Variants in SLC49A3 observed in about 807,000 individuals in gnomAD.
The protein encoded by SLC49A3 is solute carrier family 49 member 3, also known as solute carrier family 49 member A3.
Under a neutral mutation model 43.8 loss-of-function variants are expected in SLC49A3, and 50 were observed. The observed-to-expected ratio is 1.14, with a 90% CI of 0.91 to 1.45. The LOEUF (loss-of-function observed/expected upper bound fraction) is 1.45, where lower values mean the gene tolerates loss of function less well. Ranked by LOEUF, SLC49A3 falls within the 40% of genes most tolerant of loss-of-function variation. SLC49A3 has a pLI of 0.00. For missense variants in SLC49A3, 906 were observed against 774.1 expected (o/e 1.17, Z -2.02); for synonymous variants, 413 against 352.0 (o/e 1.17, Z -1.94).
chr4:678,869 TCA>T, downstream of SLC49A3: 4 of 1,608,702 alleles, frequency 2.5e-6, no homozygotes, highest in Non-Finnish European at 3.4e-6. Flanking sequence ...AAGCCTATCC[TCA>T]GTCAGGGGTG....
At chr4:677,145 C>A (rs1486680389), downstream of SLC49A3, among the ~76,000 whole-genome samples, 1 of 152,202 alleles carries the variant, frequency 6.6e-6, no homozygotes, top group African/African-American at 2.4e-5. Flanking sequence ...CTACTGCGTC[C>A]CACGCAGACG....
upstream of SLC49A3, among the ~76,000 whole-genome samples, chr4:691,375 C>T (rs1366317218): frequency 6.6e-6 from 1 of 150,900 alleles, no homozygotes; most frequent in African/African-American, 2.4e-5. Context: ...GGGTGGATTA[C>T]CTGAGGTCGG....
chr4:685,759 C>T lies in SLC49A3; in HGVS notation c.585+76G>A. ...ACACGGGCACAGGAACACGGACACA[C>T]TTGGGATCAGGAACACACAGACGTG... is the stretch of plus-strand genomic sequence containing the variant. On this transcript the variant is annotated intron_variant, in intron 4 of 9. Transcript: ENST00000322224. The surrounding 1 kb of genome is among the most constrained non-coding windows in gnomAD (Gnocchi z 4.3). 1.3e-6 allele frequency: 2 copies of T among 1,496,942 alleles called. No individual in the cohort carries two copies. The highest frequency in any genetic ancestry group is 1.9e-6 in the Non-Finnish European group (2 of 1,078,480). The allele number at this position is 1,496,942 out of a possible 1,614,324, so 92.7% of individuals were successfully genotyped here. A position where few individuals can be genotyped will look rare whatever the true frequency, so the allele number is the denominator to read the frequency against.
At position 683,203 on chromosome 4, in the gene SLC49A3, C is replaced by T. The variant is rs10030136; in HGVS notation, c.1151+7G>A. The T allele has an allele frequency of 0.12, 200,835 of 1,612,396 alleles. 13,117 individuals are homozygous for T. Among genetic ancestry groups the T allele is most frequent in the African/African-American group, 0.17 (12,896 of 74,926 alleles). ...TGGGGTTGCAGCAGGGGCAGATGGA[C>T]ACTCACCCCAGCACAAAGATCATGC... On this transcript the variant is annotated splice_region_variant and intron_variant, in intron 8 of 9. Transcript: ENST00000322224.
downstream of SLC49A3, chr4:678,087 A>G: frequency 6.2e-7 from 1 of 1,601,898 alleles, no homozygotes; most frequent in South Asian, 1.1e-5. Flanking sequence ...TGTGCTGTGC[A>G]TGTGTACATG....
downstream of SLC49A3, chr4:681,167 C>G: frequency 5.0e-6 from 8 of 1,596,322 alleles, no homozygotes; most frequent in Non-Finnish European, 5.1e-6. Flanking sequence ...CCCTGCCAAG[C>G]CCACGAGGGG....
downstream of SLC49A3, among the ~76,000 whole-genome samples, chr4:679,330 CA>C (rs971321905): frequency 2.7e-4 from 29 of 108,470 alleles, no homozygotes; most frequent in African/African-American, 1.2e-3. Flanking sequence ...ACGCCACAGG[CA>C]GGCAGGCGGC....
rs146961665 is a variant in SLC49A3, at chr4:681,973, C to T, written c.1665G>A (p.Pro555=). Reference sequence around the variant, plus strand: ...AGGCGCTCAGCTACGTGATCACCCACGGGGAGGAGAAGGAGGAGTGAGACC... The same window carrying T: ...AGGCGCTCAGCTACGTGATCACCCATGGGGAGGAGAAGGAGGAGTGAGACC... The part of the protein sequence containing the change: ...PAGSHSSFSS[P]WVIT Residue 555 remains proline (P), a synonymous_variant, in exon 10 of 10, where the codon CCG becomes CCA. Coordinates refer to ENST00000322224, the MANE Select transcript of SLC49A3 (RefSeq NM_032219.4). 3.3e-4 allele frequency: 467 copies of T among 1,396,032 alleles called. No individual in the cohort carries two copies. In the African/African-American group the frequency reaches 5.0e-3, roughly 15 times the overall value. 86.5% of individuals were successfully genotyped at this position (1,396,032 alleles called of 1,614,324 possible).
Position 685,759 on chromosome 4 carries a change from CTT to C in SLC49A3, c.585+74_585+75del. Reference sequence around the variant, plus strand: ...ACACGGGCACAGGAACACGGACACACTTGGGATCAGGAACACACAGACGTGCA... The same window carrying C: ...ACACGGGCACAGGAACACGGACACACGGGATCAGGAACACACAGACGTGCA... On this transcript the variant is annotated intron_variant, in intron 4 of 9. Transcript: ENST00000322224. This position sits in a 1 kb window ranked among gnomAD's most constrained non-coding sequence, Gnocchi z 4.3. 1 of 1,496,942 alleles carries C rather than the reference CTT, an allele frequency of 6.7e-7. No individual in the cohort carries two copies. The highest frequency in any genetic ancestry group is 9.3e-7 in the Non-Finnish European group (1 of 1,078,480). 92.7% of individuals were successfully genotyped at this position (1,496,942 alleles called of 1,614,324 possible).
intron 6 of SLC49A3, among the ~76,000 whole-genome samples, chr4:684,048 A>G (rs1490172378): frequency 2.6e-5 from 4 of 152,218 alleles, no homozygotes; most frequent in Admixed American, 6.5e-5. Flanking sequence ...ACATGCCCCC[A>G]ATCCTACACT....
downstream of SLC49A3, chr4:678,654 G>A (rs369775559): frequency 2.7e-5 from 43 of 1,602,276 alleles, no homozygotes; most frequent in Middle Eastern, 5.0e-4. Context: ...TGCTCCCACC[G>A]CAGGCCAGCA....
In SLC49A3 at chr4:685,638, G is replaced by A. The variant is rs896238191; in HGVS notation, c.585+197C>T. Among the ~76,000 whole-genome samples, 1 of 152,130 alleles carries A rather than the reference G, an allele frequency of 6.6e-6. No homozygotes were observed. Among genetic ancestry groups the A allele is most frequent in the Admixed American group, 6.5e-5 (1 of 15,280 alleles). On this transcript the variant is annotated intron_variant, in intron 4 of 9. Coordinates refer to ENST00000322224, the MANE Select transcript of SLC49A3 (RefSeq NM_032219.4). The surrounding 1 kb of genome is among the most constrained non-coding windows in gnomAD (Gnocchi z 4.3). Reference sequence around the variant, plus strand: ...GGGGAATTGCTTAAACCCAGTAGGCGGAGGTTGCAGTGAGCCGAGATCGCG... The same window carrying A: ...GGGGAATTGCTTAAACCCAGTAGGCAGAGGTTGCAGTGAGCCGAGATCGCG...
downstream of SLC49A3, chr4:678,196 G>A (rs1053581738): frequency 2.0e-5 from 30 of 1,523,990 alleles, no homozygotes; most frequent in African/African-American, 8.3e-5. Flanking sequence ...GTGTATGTGC[G>A]TGTGTGTGAC....
chr4:684,882 G>A (rs1447429724), intron 4 of SLC49A3, 26 bp from the exon 5 acceptor site: 6 of 1,605,178 alleles, frequency 3.7e-6, no homozygotes, highest in African/African-American at 1.3e-5. Context: ...TGTGCACAAG[G>A]AGACCACGCA....
rs201236805 is a variant in SLC49A3 at position 682,180 on chromosome 4, C to T, written c.1458G>A (p.Thr486=). 6.6e-6 allele frequency: 9 copies of T among 1,353,582 alleles called. No individual in the cohort carries two copies. The highest frequency in any genetic ancestry group is 1.9e-6 in the Non-Finnish European group (2 of 1,041,284). 83.8% of individuals were successfully genotyped at this position (1,353,582 alleles called of 1,614,324 possible). Reference sequence around the variant, plus strand: ...CCCTCGCCGTGCACTCCGGAGTCGCCGTGCTGGGCCCCAGGACCCCAGCCC... The same window carrying T: ...CCCTCGCCGTGCACTCCGGAGTCGCTGTGCTGGGCCCCAGGACCCCAGCCC... ...AGRAGVLGPS[T]ATPECTARGA... Residue 486 remains threonine (T), a synonymous_variant, in exon 10 of 10, where the codon ACG becomes ACA. Transcript: ENST00000322224.
upstream of SLC49A3, among the ~76,000 whole-genome samples, chr4:690,110 T>C (rs76590635): frequency 6.6e-6 from 1 of 152,300 alleles, no homozygotes; most frequent in East Asian, 1.9e-4. Flanking sequence ...CCTGTCCATT[T>C]TCCACACCTG....
upstream of SLC49A3, among the ~76,000 whole-genome samples, chr4:689,619 A>G (rs974674837): frequency 6.6e-6 from 1 of 152,228 alleles, no homozygotes; most frequent in Non-Finnish European, 1.5e-5. Context: ...GTCCCTCTAC[A>G]GCCCCTGCGG....
rs572248596 is a variant in SLC49A3 at position 684,535 on chromosome 4, G to C, written c.788C>G (p.Ala263Gly). The C allele has an allele frequency of 1.2e-6, 2 of 1,613,234 alleles. No homozygotes were observed. Among genetic ancestry groups the C allele is most frequent in the Admixed American group, 3.3e-5 (2 of 60,018 alleles). ...CTGCTCCAGGAGGGCTGAGAAGCTGGCAGAGATCCCGATCATTCCCCCCAA... is the reference window on the plus strand; with the variant it reads ...CTGCTCCAGGAGGGCTGAGAAGCTGCCAGAGATCCCGATCATTCCCCCCAA... ...VCLGGMIGIS[A>G]SFSALLEQIL... Residue 263 changes from alanine to glycine, a missense_variant, in exon 6 of 10, where the codon GCC (alanine) becomes GGC (glycine). Transcript: ENST00000322224.
Position 682,687 on chromosome 4 carries a change from C to T in SLC49A3, c.1261+94G>A, listed in dbSNP as rs1010822083. The stretch of plus-strand genomic sequence containing the variant: ...TGCTCACCTGTCCTGCTGTTTAGGG[C>T]TCCCCACGTAGGGTTCACCTGTCCC... On this transcript the variant is annotated intron_variant, in intron 9 of 9. Transcript: ENST00000322224. 6 of 1,032,918 alleles carry T rather than the reference C, an allele frequency of 5.8e-6. No individual in the cohort carries two copies. In the South Asian group the frequency reaches 1.1e-4, roughly 19 times the overall value. 64.0% of individuals were successfully genotyped at this position (1,032,918 alleles called of 1,614,324 possible).
Sources: gnomAD v4.1 joint callset for allele counts (sites outside exome capture counted in the v4.1 genomes callset) on GRCh38, gnomAD v4.1.1 for gene constraint, Gnocchi (gnomAD v3.1) non-coding constraint, MANE v1.5 for transcripts, NCBI Gene and HGNC (gene_info 2026-07-23, HGNC 2026-07-21) for gene names.